Variants in IQCM observed in about 807,000 individuals in gnomAD.
IQCM encodes the protein IQ domain-containing protein M.
IQCM carries 45 observed loss-of-function variants against 57.6 expected under a neutral mutation model. The ratio of observed to expected loss-of-function variants is 0.78; its 90% CI spans 0.62 to 1.00. IQCM has a LOEUF of 1.00. Among genes scored for constraint, IQCM ranks in the 50% least tolerant of loss-of-function variants. The pLI is 0.00. For missense variants in IQCM, 468 were observed against 511.6 expected, an observed-to-expected ratio of 0.91 and a Z score of 0.82; for synonymous variants, 148 against 158.9, an observed-to-expected ratio of 0.93 and a Z score of 0.51.
intron 10 of IQCM, among the ~76,000 whole-genome samples, chr4:149,562,023 T>A (rs1750172121): frequency 1.3e-5 from 2 of 152,132 alleles, no homozygotes; most frequent in South Asian, 4.1e-4. Flanking sequence ...CAATCAAGAT[T>A]TGCAGTTTGC....
At chr4:149,691,725 T>G (rs1375566370) in intron 5 of IQCM, 1 of 152,114 alleles carries the variant, frequency 6.6e-6, no homozygotes, top group African/African-American at 2.4e-5. Context: ...ATCAAGAGAT[T>G]ACAGATACTC....
At chr4:149,546,649 C>T (rs1277641108) in intron 12 of IQCM, among the ~76,000 whole-genome samples, 1 of 152,062 alleles carries the variant, frequency 6.6e-6, no homozygotes, top group East Asian at 1.9e-4. Context: ...TATCCTTTGC[C>T]CACTTTTTGA....
intron 7 of IQCM, among the ~76,000 whole-genome samples, chr4:149,641,456 T>C (rs1319946045): frequency 2.0e-5 from 3 of 152,174 alleles, no homozygotes; most frequent in Non-Finnish European, 2.9e-5. Context: ...TTCATTCATA[T>C]ACAATTAGAT....
chr4:149,487,870 T>C (rs1741691345), intron 12 of IQCM, among the ~76,000 whole-genome samples: 1 of 152,082 alleles, frequency 6.6e-6, no homozygotes, highest in Non-Finnish European at 1.5e-5. Flanking sequence ...AGCTCAGTGC[T>C]TTTTTTAGTG....
intron 12 of IQCM, among the ~76,000 whole-genome samples, chr4:149,483,773 T>A (rs1046254440): frequency 6.6e-6 from 1 of 152,002 alleles, no homozygotes; most frequent in African/African-American, 2.4e-5. Context: ...TCTGTAAATA[T>A]CTACTAGTTC....
chr4:149,707,766 T>C (rs1396015142), intron 5 of IQCM, among the ~76,000 whole-genome samples: 4 of 152,024 alleles, frequency 2.6e-5, no homozygotes, highest in Admixed American at 1.3e-4. Flanking sequence ...GTCTTCTGCC[T>C]ATACCCATGA....
At chr4:149,544,008 G>A (rs1748133077) in intron 12 of IQCM, among the ~76,000 whole-genome samples, 1 of 152,028 alleles carries the variant, frequency 6.6e-6, no homozygotes, top group Non-Finnish European at 1.5e-5. Context: ...TTTGCACTAA[G>A]AATGAAAGAA....
rs1404233873 is a variant in IQCM at position 149,789,637 on chromosome 4, G to T, written c.-49+25674C>A. On this transcript the variant is annotated intron_variant, in intron 2 of 13. Transcript: ENST00000636793. ...GAGTTCAAGACCAGCTGAGCATGGT[G>T]TTGCACACCTGTGGTCCCAGATACT... Among the ~76,000 whole-genome samples, 3 of 152,210 alleles carry T rather than the reference G, an allele frequency of 2.0e-5. 1 individual carries two copies. The highest frequency in any genetic ancestry group is 7.2e-5 in the African/African-American group (3 of 41,454).
At chr4:149,382,046 T>C (rs556115563) in intron 13 of IQCM, among the ~76,000 whole-genome samples, 1 of 152,286 alleles carries the variant, frequency 6.6e-6, no homozygotes, top group Non-Finnish European at 1.5e-5. Flanking sequence ...ATTACAGGCA[T>C]GAGCCATCGT....
intron 12 of IQCM, among the ~76,000 whole-genome samples, chr4:149,510,998 A>C (rs1488961718): frequency 1.3e-5 from 2 of 152,172 alleles, no homozygotes; most frequent in African/African-American, 4.8e-5. Flanking sequence ...TTTTCATTTA[A>C]ACTTTTGAGT....
At chr4:149,467,989 G>A (rs943969943) in intron 12 of IQCM, among the ~76,000 whole-genome samples, 1 of 152,158 alleles carries the variant, frequency 6.6e-6, no homozygotes, top group African/African-American at 2.4e-5. Context: ...TTGCATGTTA[G>A]AAAGCAGTAA....
At chr4:149,766,799 A>C (rs1770104623) in intron 2 of IQCM, among the ~76,000 whole-genome samples, 1 of 152,116 alleles carries the variant, frequency 6.6e-6, no homozygotes, top group Non-Finnish European at 1.5e-5. Flanking sequence ...ACGAAAATAG[A>C]AAATTTGGTG....
intron 7 of IQCM, among the ~76,000 whole-genome samples, chr4:149,652,532 T>G (rs1174869374): frequency 6.6e-6 from 1 of 151,716 alleles, no homozygotes; most frequent in Non-Finnish European, 1.5e-5. Flanking sequence ...ATCTCCTCTA[T>G]TAAAAGAACA....
intron 5 of IQCM, among the ~76,000 whole-genome samples, chr4:149,732,186 T>C (rs1422139657): frequency 1.3e-5 from 2 of 152,110 alleles, no homozygotes; most frequent in Non-Finnish European, 2.9e-5. Flanking sequence ...AAATTCTAGG[T>C]CTACTATTAT....
chr4:149,798,968 T>A (rs1049064146), intron 2 of IQCM, among the ~76,000 whole-genome samples: 6 of 151,494 alleles, frequency 4.0e-5, no homozygotes, highest in African/African-American at 1.2e-4. Context: ...TAATTTGCAC[T>A]ATACACCAAT....
chr4:149,703,932 C>T lies in IQCM; in HGVS notation c.386-17464G>A, dbSNP rs546420150. 6.6e-5 allele frequency among the ~76,000 whole-genome samples: 10 copies of T among 151,806 alleles called. No individual in the cohort carries two copies. In the South Asian group the frequency reaches 1.0e-3, roughly 16 times the overall value. On this transcript the variant is annotated intron_variant, in intron 5 of 13. Coordinates refer to ENST00000636793, the MANE Select transcript of IQCM (RefSeq NM_001363507.2). Reference sequence around the variant, plus strand: ...ATTTCACATCTCATACTCACTGCTCCGTATACTAAGAATTCCTTTCACTTA... The same window carrying T: ...ATTTCACATCTCATACTCACTGCTCTGTATACTAAGAATTCCTTTCACTTA...
intron 12 of IQCM, among the ~76,000 whole-genome samples, chr4:149,443,730 AAAGGAAAGGAAAGGAAAGG>A (rs1392910652): frequency 1.3e-5 from 2 of 150,110 alleles, no homozygotes; most frequent in African/African-American, 4.9e-5. Flanking sequence ...AAAGGAAAGG[AAAGGAAAGGAAAGGAAAGG>A]AAGAAAACTG....
chr4:149,362,303 T>C (rs1729549068), intron 13 of IQCM, among the ~76,000 whole-genome samples: 2 of 152,106 alleles, frequency 1.3e-5, no homozygotes, highest in Admixed American at 6.5e-5. Context: ...TTCAGAGGAC[T>C]GTTGGGAGGG....
At chr4:149,714,761 A>G (rs1203758759) in intron 5 of IQCM, among the ~76,000 whole-genome samples, 1 of 152,210 alleles carries the variant, frequency 6.6e-6, no homozygotes, top group Non-Finnish European at 1.5e-5. Flanking sequence ...TAAATAAGGC[A>G]AGGGTTACTT....
Sources: allele counts gnomAD v4.1 joint callset (sites outside exome capture counted in the v4.1 genomes callset), GRCh38; gene constraint gnomAD v4.1.1; transcripts MANE v1.5; gene names NCBI Gene and HGNC (gene_info 2026-07-23, HGNC 2026-07-21).